Variants in WSCD2 observed in about 807,000 individuals in gnomAD.
WSCD2 encodes WSC domain sialate O sulfotransferase 2.
A neutral mutation model predicts 55.7 loss-of-function variants in WSCD2; 28 were observed. That is an observed-to-expected ratio of 0.50 (90% CI 0.37 to 0.69). The LOEUF is 0.69. WSCD2 is among the 30% of genes least tolerant of loss of function. The pLI is 0.00. For synonymous variants in WSCD2, 301 were observed against 301.9 expected (o/e 1.00, Z 0.03); for missense variants, 616 against 762.1 (o/e 0.81, Z 2.26).
At chr12:108,189,481 C>G (rs1882904590) in intron 1 of WSCD2, 1 of 152,162 alleles carries the variant, frequency 6.6e-6, no homozygotes, top group Non-Finnish European at 1.5e-5. Flanking sequence ...AAAAAGCATT[C>G]AAGGTGCTGG....
chr12:108,227,832 G>A (rs1314759372), intron 6 of WSCD2, among the ~76,000 whole-genome samples: 1 of 152,176 alleles, frequency 6.6e-6, no homozygotes, highest in East Asian at 1.9e-4. Flanking sequence ...GGTGATGATA[G>A]TGATAAGAGT....
At chr12:108,208,719 A>G (rs1054942518) in intron 3 of WSCD2, among the ~76,000 whole-genome samples, 1 of 152,080 alleles carries the variant, frequency 6.6e-6, no homozygotes, top group Non-Finnish European at 1.5e-5. Context: ...AAGCTAACTA[A>G]AGCATCCAGA....
At chr12:108,186,185 T>C (rs567337842) in intron 1 of WSCD2, among the ~76,000 whole-genome samples, 6 of 152,052 alleles carry the variant, frequency 3.9e-5, no homozygotes, top group South Asian at 2.1e-4. Flanking sequence ...TAAATTATTG[T>C]CCCCCCTTTT....
At chr12:108,176,309 C>T (rs188017504) in intron 1 of WSCD2, among the ~76,000 whole-genome samples, 2 of 152,084 alleles carry the variant, frequency 1.3e-5, no homozygotes, top group East Asian at 3.9e-4. Flanking sequence ...CTTTGCCCCT[C>T]TGTGGTCAAT....
Position 108,219,526 on chromosome 12 carries a change from C to CAGCCAG in WSCD2, c.683-5211_683-5206dup, listed in dbSNP as rs1264638999. ...TCCCACTGCCCAAACAATCTCAGTGCAGCCAGACCCACAACTGCCCTCACA... is the reference window on the plus strand; with the variant it reads ...TCCCACTGCCCAAACAATCTCAGTGCAGCCAGAGCCAGACCCACAACTGCCCTCACA... On this transcript the variant is annotated intron_variant, in intron 4 of 8. Transcript: ENST00000547525. 6.6e-5 allele frequency among the ~76,000 whole-genome samples: 10 copies of CAGCCAG among 152,302 alleles called. No individual in the cohort carries two copies. In the East Asian group the frequency reaches 1.7e-3, roughly 26 times the overall value.
At chr12:108,163,050 T>C (rs761375040) in intron 1 of WSCD2, among the ~76,000 whole-genome samples, 2 of 152,192 alleles carry the variant, frequency 1.3e-5, no homozygotes, top group Non-Finnish European at 1.5e-5. Flanking sequence ...ATCGTATTCC[T>C]ATGGACATGA....
chr12:108,237,956 A>T (rs1270887757), intron 7 of WSCD2, among the ~76,000 whole-genome samples: 1 of 152,230 alleles, frequency 6.6e-6, no homozygotes, highest in African/African-American at 2.4e-5. Flanking sequence ...CCTTGTTAAG[A>T]ATCTGTGTGA....
chr12:108,244,379 C>A, intron 8 of WSCD2: 1 of 640,054 alleles, frequency 1.6e-6, no homozygotes, highest in Non-Finnish European at 2.9e-6. Context: ...GCTGAAACAG[C>A]TTGGATATCT....
intron 8 of WSCD2, among the ~76,000 whole-genome samples, chr12:108,247,224 G>A (rs1890153901): frequency 6.6e-6 from 1 of 151,774 alleles, no homozygotes; most frequent in African/African-American, 2.4e-5. Flanking sequence ...GTTAAATGGA[G>A]ATAATGGTGA....
At chr12:108,144,087 TAATTCGGGC>T (rs1877140908) in intron 1 of WSCD2, among the ~76,000 whole-genome samples, 1 of 152,032 alleles carries the variant, frequency 6.6e-6, no homozygotes, top group South Asian at 2.1e-4. Context: ...AGAATTCCAC[TAATTCGGGC>T]AATTTTAAAA....
intron 1 of WSCD2, among the ~76,000 whole-genome samples, chr12:108,141,914 C>T (rs1258568933): frequency 5.9e-5 from 9 of 152,122 alleles, no homozygotes; most frequent in East Asian, 3.9e-4. Flanking sequence ...AAGCTGTCCC[C>T]GTCAACTTGA....
chr12:108,132,523 A>AGT (rs1875690650), intron 1 of WSCD2, among the ~76,000 whole-genome samples: 1 of 151,648 alleles, frequency 6.6e-6, no homozygotes, highest in South Asian at 2.1e-4. Flanking sequence ...TGGATTTGTG[A>AGT]GTGTGCGTGT....
At chr12:108,162,713 G>A in intron 1 of WSCD2, among the ~76,000 whole-genome samples, 1 of 152,158 alleles carries the variant, frequency 6.6e-6, no homozygotes, top group Non-Finnish European at 1.5e-5. Flanking sequence ...TTCTGGAGGG[G>A]CTGGGAGTAA....
At chr12:108,153,101 T>A (rs971700159) in intron 1 of WSCD2, among the ~76,000 whole-genome samples, 25 of 150,762 alleles carry the variant, frequency 1.7e-4, no homozygotes, top group Admixed American at 7.9e-4. Context: ...AGACTCTGTC[T>A]CAAACAAACA....
At chr12:108,192,114 G>A (rs935538826) in intron 1 of WSCD2, among the ~76,000 whole-genome samples, 5 of 152,204 alleles carry the variant, frequency 3.3e-5, no homozygotes, top group African/African-American at 9.7e-5. Flanking sequence ...CTGTCTCCAC[G>A]ACAGCAAATG....
Position 108,233,292 on chromosome 12 carries a change from A to G in WSCD2, c.1144+397A>G, listed in dbSNP as rs148567278. On this transcript the variant is annotated intron_variant, in intron 7 of 8. Coordinates refer to ENST00000547525, the MANE Select transcript of WSCD2 (RefSeq NM_014653.4). ...CAAGAACTAAGTTCACTTTGGGGAC[A>G]TTTATTGAGCACCTACTATTCACCA... Among the ~76,000 whole-genome samples, 861 of 152,342 alleles carry G rather than the reference A, an allele frequency of 5.7e-3. 2 individuals carry two copies. The highest frequency in any genetic ancestry group is 9.4e-3 in the Non-Finnish European group (638 of 68,028).
chr12:108,153,601 G>A (rs1466818849), intron 1 of WSCD2, among the ~76,000 whole-genome samples: 2 of 152,222 alleles, frequency 1.3e-5, no homozygotes, highest in African/African-American at 4.8e-5. Flanking sequence ...TCACCCCCAA[G>A]CCTGAAAAGG....
intron 1 of WSCD2, among the ~76,000 whole-genome samples, chr12:108,152,393 A>G (rs1213497503): frequency 6.6e-6 from 1 of 152,170 alleles, no homozygotes; most frequent in Non-Finnish European, 1.5e-5. Context: ...GGCACAGGAC[A>G]TGTGCGCTGG....
chr12:108,211,065 G>A (rs1438029455), intron 4 of WSCD2, among the ~76,000 whole-genome samples: 2 of 152,206 alleles, frequency 1.3e-5, no homozygotes, highest in Admixed American at 1.3e-4. Flanking sequence ...TGTATGCCAG[G>A]CACTGTCCTA....
Sources: gnomAD v4.1 joint callset for allele counts (sites outside exome capture counted in the v4.1 genomes callset) on GRCh38, gnomAD v4.1.1 for gene constraint, MANE v1.5 for transcripts, NCBI Gene and HGNC (gene_info 2026-07-23, HGNC 2026-07-21) for gene names.